Variants in DIAPH2 observed in about 807,000 individuals in gnomAD.
The protein encoded by DIAPH2 is protein diaphanous homolog 2.
A neutral mutation model predicts 92.7 loss-of-function variants in DIAPH2; 35 were observed. The observed-to-expected ratio is 0.38, with a 90% confidence interval of 0.29 to 0.50. The LOEUF is 0.50. Ranked by LOEUF, DIAPH2 falls within the 20% of genes least tolerant of loss-of-function variation. The pLI, the probability that DIAPH2 is intolerant of heterozygous loss-of-function variation, is 0.94. For synonymous variants in DIAPH2, 301 were observed against 280.4 expected (o/e 1.07, Z -0.73); for missense variants, 701 against 819.5 (o/e 0.86, Z 1.77).
At chrX:96,752,021 T>C (rs1004037745) in intron 3 of DIAPH2, among the ~76,000 whole-genome samples, 2 of 112,001 alleles carry the variant, frequency 1.8e-5, no homozygotes, top group African/African-American at 3.2e-5. Flanking sequence ...TATCAAATGT[T>C]AAACATGCTA....
At chrX:97,176,701 G>A (rs1026372948) in intron 22 of DIAPH2, among the ~76,000 whole-genome samples, 3 of 110,557 alleles carry the variant, frequency 2.7e-5, no homozygotes, top group African/African-American at 9.9e-5. Context: ...CTAATTTTTT[G>A]TATTTTTAGT....
At chrX:97,132,626 C>G (rs1205435950) in intron 21 of DIAPH2, among the ~76,000 whole-genome samples, 1 of 111,512 alleles carries the variant, frequency 9.0e-6, no homozygotes, top group Admixed American at 9.6e-5. Context: ...GCAGTAGTAG[C>G]TGTTTTGATA....
chrX:97,176,514 GT>G (rs2147458585), intron 22 of DIAPH2, among the ~76,000 whole-genome samples: 1 of 108,706 alleles, frequency 9.2e-6, no homozygotes, highest in East Asian at 2.9e-4. Flanking sequence ...TGTTTGTTTT[GT>G]TTTGTTTTGT....
intron 17 of DIAPH2, among the ~76,000 whole-genome samples, chrX:97,059,940 C>G (rs144139941): frequency 1.1e-3 from 122 of 111,826 alleles, no homozygotes; most frequent in African/African-American, 3.7e-3. Flanking sequence ...ATTGTCACAG[C>G]CAACTCTGGA....
chrX:97,540,141 C>A (rs902583010), intron 26 of DIAPH2, among the ~76,000 whole-genome samples: 1 of 111,824 alleles, frequency 8.9e-6, no homozygotes, highest in Non-Finnish European at 1.9e-5. Flanking sequence ...ACTCAGTACA[C>A]TGTTCACATT....
chrX:97,433,347 C>CA (rs1463343918), intron 26 of DIAPH2, among the ~76,000 whole-genome samples: 1 of 108,883 alleles, frequency 9.2e-6, no homozygotes, highest in Non-Finnish European at 1.9e-5. Context: ...CCCATCTCTA[C>CA]AAAAAAATAC....
intron 1 of DIAPH2, among the ~76,000 whole-genome samples, chrX:96,704,581 A>G (rs2063873201): frequency 9.0e-6 from 1 of 111,712 alleles, no homozygotes; most frequent in Non-Finnish European, 1.9e-5. Flanking sequence ...TTTTTTTGCC[A>G]AAAAGGTTGG....
intron 11 of DIAPH2, among the ~76,000 whole-genome samples, chrX:96,938,846 C>T (rs1285821302): frequency 8.9e-6 from 1 of 111,861 alleles, no homozygotes; most frequent in Admixed American, 9.5e-5. Flanking sequence ...ACAGCATGCT[C>T]ATTTGCCTTC....
chrX:97,355,311 G>A (rs187229630), intron 24 of DIAPH2, among the ~76,000 whole-genome samples: 1 of 110,093 alleles, frequency 9.1e-6, no homozygotes, highest in Admixed American at 9.8e-5. Context: ...AAGAAATGAG[G>A]GTGAATTTTT....
At chrX:97,548,564 C>T (rs1317557960) in intron 26 of DIAPH2, among the ~76,000 whole-genome samples, 1 of 112,261 alleles carries the variant, frequency 8.9e-6, no homozygotes, top group Non-Finnish European at 1.9e-5. Context: ...ATTGAATGTA[C>T]AATGATGTGG....
intron 17 of DIAPH2, among the ~76,000 whole-genome samples, chrX:97,006,165 C>T (rs937516085): frequency 4.5e-5 from 5 of 111,494 alleles, no homozygotes; most frequent in Non-Finnish European, 7.5e-5. Flanking sequence ...TATGGTCAAA[C>T]ATTCAAGTTT....
At chrX:97,054,663 A>G (rs935204165) in intron 17 of DIAPH2, among the ~76,000 whole-genome samples, 3 of 111,812 alleles carry the variant, frequency 2.7e-5, no homozygotes. Flanking sequence ...ATAGTGAGTA[A>G]TCTGGTTTGG....
chrX:96,771,985 C>T (rs1231633863), intron 4 of DIAPH2, among the ~76,000 whole-genome samples: 1 of 110,291 alleles, frequency 9.1e-6, no homozygotes, highest in African/African-American at 3.3e-5. Flanking sequence ...TGCAGTGAGC[C>T]GAGATGGCGC....
intron 22 of DIAPH2, among the ~76,000 whole-genome samples, chrX:97,227,343 C>A (rs2067973292): frequency 9.0e-6 from 1 of 111,382 alleles, no homozygotes; most frequent in African/African-American, 3.3e-5. Context: ...AAGGATATTT[C>A]CCTATTCTAT....
At chrX:96,837,585 CTA>C (rs1257802832) in intron 4 of DIAPH2, among the ~76,000 whole-genome samples, 1 of 110,816 alleles carries the variant, frequency 9.0e-6, no homozygotes, top group Admixed American at 9.7e-5. Flanking sequence ...GGGGCAGGAA[CTA>C]TGTTTTCTTT....
chrX:96,805,903 A>T (rs970080013), intron 4 of DIAPH2, among the ~76,000 whole-genome samples: 1 of 112,311 alleles, frequency 8.9e-6, no homozygotes, highest in Non-Finnish European at 1.9e-5. Context: ...AATGCTGATT[A>T]TTTCTGGTTA....
intron 17 of DIAPH2, among the ~76,000 whole-genome samples, chrX:97,047,747 A>G (rs948755295): frequency 1.0e-4 from 11 of 108,088 alleles, no homozygotes; most frequent in African/African-American, 3.4e-4. Flanking sequence ...AAATGGTTGT[A>G]TTAGGTACTT....
intron 1 of DIAPH2, among the ~76,000 whole-genome samples, chrX:96,710,134 C>T (rs1465665185): frequency 9.0e-6 from 1 of 110,939 alleles, no homozygotes; most frequent in African/African-American, 3.3e-5. Context: ...TCTTAGTACT[C>T]CTGCTGTTTT....
At chrX:97,000,455 T>C (rs1258042045) in intron 17 of DIAPH2, among the ~76,000 whole-genome samples, 2 of 111,737 alleles carry the variant, frequency 1.8e-5, no homozygotes, top group Non-Finnish European at 3.8e-5. Context: ...AATTTAGTGA[T>C]TCAGATTTCC....
Sources: gnomAD v4.1 joint callset for allele counts (sites outside exome capture counted in the v4.1 genomes callset) on GRCh38, gnomAD v4.1.1 for gene constraint, MANE v1.5 for transcripts, NCBI Gene and HGNC (gene_info 2026-07-23, HGNC 2026-07-21) for gene names.